Variants in CDC5L observed in about 807,000 individuals in gnomAD.
CDC5L encodes cell division cycle 5-like protein.
Under a neutral mutation model 104.1 loss-of-function variants are expected in CDC5L, and 18 were observed. The observed-to-expected ratio is 0.17, with a 90% CI of 0.12 to 0.26. The LOEUF is 0.26. Ranked by LOEUF, CDC5L falls within the 10% of genes least tolerant of loss-of-function variation. The pLI is 1.00. For synonymous variants in CDC5L, 331 were observed against 322.7 expected, an observed-to-expected ratio of 1.03 and a Z score of -0.28; for missense variants, 673 against 956.9, an observed-to-expected ratio of 0.70 and a Z score of 3.91.
chr6:44,436,272 C>G (rs1364823159), intron 14 of CDC5L, among the ~76,000 whole-genome samples: 1 of 152,160 alleles, frequency 6.6e-6, no homozygotes, highest in African/African-American at 2.4e-5. Flanking sequence ...AGGAACTAAC[C>G]TCACTTTAAA....
At chr6:44,404,552 G>A (rs1791275418) in intron 6 of CDC5L, among the ~76,000 whole-genome samples, 2 of 152,080 alleles carry the variant, frequency 1.3e-5, no homozygotes, top group African/African-American at 4.8e-5. Flanking sequence ...GCTGTTTATG[G>A]CTCTTGAGTT....
chr6:44,417,395 G>A (rs368537949), intron 8 of CDC5L, among the ~76,000 whole-genome samples: 1 of 152,064 alleles, frequency 6.6e-6, no homozygotes, highest in East Asian at 1.9e-4. Context: ...GTGGGAAGCT[G>A]CGTTATTTTT....
rs1184136297 is a variant in CDC5L at position 44,392,683 on chromosome 6, C to G, written c.166C>G (p.Pro56Ala). The stretch of plus-strand genomic sequence containing the variant: ...GTTTAATAGGTATGAATGGCTGGAT[C>G]CAAGCATTAAGAAGACAGAATGGTC... ...CKARWYEWLD[P>A]SIKKTEWSRE... Residue 56 changes from proline to alanine, a missense_variant, in exon 3 of 16, where the codon CCA (proline) becomes GCA (alanine). By Grantham distance (27) the Pro-to-Ala change is conservative (BLOSUM62 -1). Transcript: ENST00000371477. 1 of 1,613,834 alleles carries G rather than the reference C, an allele frequency of 6.2e-7. No individual in the cohort carries two copies. Among genetic ancestry groups the G allele is most frequent in the East Asian group, 2.2e-5 (1 of 44,864 alleles).
At chr6:44,406,258 A>G in intron 6 of CDC5L, 65 bp from the exon 7 acceptor site, 2 of 1,201,928 alleles carry the variant, frequency 1.7e-6, no homozygotes, top group Non-Finnish European at 1.2e-6. Context: ...GAGTATTTGT[A>G]TGGATTTTAA....
chr6:44,399,538 TTC>T (rs1168823596), intron 5 of CDC5L, among the ~76,000 whole-genome samples: 1 of 152,230 alleles, frequency 6.6e-6, no homozygotes, highest in Non-Finnish European at 1.5e-5. Flanking sequence ...TTCATTCTTT[TTC>T]TCTGTTTAGA....
intron 14 of CDC5L, among the ~76,000 whole-genome samples, chr6:44,437,352 T>C (rs1000295914): frequency 1.6e-4 from 25 of 152,244 alleles, no homozygotes; most frequent in African/African-American, 6.0e-4. Context: ...CTTTGTGTTT[T>C]AATAATCAAA....
At chr6:44,411,005 AT>A (rs951748321) in intron 8 of CDC5L, among the ~76,000 whole-genome samples, 1,595 of 139,468 alleles carry the variant, frequency 0.011, 14 homozygotes, top group African/African-American at 0.029. Flanking sequence ...TTTGTTCAGT[AT>A]TTTTTTTTTT....
chr6:44,427,493 T>C (rs549387306), intron 13 of CDC5L, among the ~76,000 whole-genome samples: 29 of 152,326 alleles, frequency 1.9e-4, no homozygotes, highest in African/African-American at 7.0e-4. Flanking sequence ...TCTTACAAAC[T>C]CTCCTGTCTT....
intron 8 of CDC5L, among the ~76,000 whole-genome samples, chr6:44,410,612 A>G (rs1333282114): frequency 6.6e-6 from 1 of 152,200 alleles, no homozygotes; most frequent in Non-Finnish European, 1.5e-5. Flanking sequence ...TAGCACTGCA[A>G]GGTCTTCTGG....
At chr6:44,406,663 T>G (rs1030435833) in intron 7 of CDC5L, among the ~76,000 whole-genome samples, 196 bp downstream of exon 7, 2 of 152,208 alleles carry the variant, frequency 1.3e-5, no homozygotes, top group Admixed American at 1.3e-4. Context: ...TTTCAGCACT[T>G]TGGGAGACCA....
intron 9 of CDC5L, among the ~76,000 whole-genome samples, chr6:44,422,402 T>G (rs1792227864): frequency 6.6e-6 from 1 of 152,204 alleles, no homozygotes; most frequent in South Asian, 2.1e-4. Context: ...GGACGTAGTT[T>G]AGGAAGGCAA....
rs144670030 is a variant in CDC5L at position 44,403,946 on chromosome 6, A to C, written c.677A>C (p.Asp226Ala). The change falls in exon 6 of 16, where the codon GAT becomes GCT. Residue 226 changes from aspartate to alanine, a missense_variant. By Grantham distance (126) the Asp-to-Ala change is moderately radical. Transcript: ENST00000371477. ...FEKKPALGFY[D>A]TSEENYQALD... ...AAAAAGCCTGCCCTTGGTTTTTATG[A>C]TACTTCTGAGGAAAACTACCAAGCT... is the stretch of plus-strand genomic sequence containing the variant. 1.2e-4 allele frequency: 198 copies of C among 1,613,908 alleles called. No homozygotes were observed. Among genetic ancestry groups the C allele is most frequent in the Admixed American group, 5.0e-4 (30 of 60,002 alleles).
intron 2 of CDC5L, among the ~76,000 whole-genome samples, chr6:44,391,227 C>G (rs937026556): frequency 1.3e-5 from 2 of 150,206 alleles, no homozygotes; most frequent in Admixed American, 6.7e-5. Context: ...TAAGCCAACT[C>G]TGAACCTGTG....
chr6:44,424,380 A>G, intron 10 of CDC5L, 39 bp from the exon 11 acceptor site: 7 of 1,576,506 alleles, frequency 4.4e-6, no homozygotes, highest in Non-Finnish European at 6.1e-6. Context: ...TGGAATGTTT[A>G]ATATGCATGA....
intron 5 of CDC5L, among the ~76,000 whole-genome samples, chr6:44,401,811 C>T (rs569203405): frequency 6.6e-6 from 1 of 150,960 alleles, no homozygotes; most frequent in Non-Finnish European, 1.5e-5. Context: ...CCTCTCCCCC[C>T]ACCCCACAAC....
rs1171586367 is a variant in CDC5L, at chr6:44,445,877, TA to T, written c.2304+11del. The T allele has an allele frequency of 6.3e-7, 1 of 1,589,152 alleles. No homozygotes were observed. The highest frequency in any genetic ancestry group is 8.6e-7 in the Non-Finnish European group (1 of 1,157,948). ...TCCCCGGAGGCTAGAGGTAACGTTA[TA>T]TATTGAACTGTTGTTTAAAAAGAGT... On this transcript the variant is annotated intron_variant, in intron 15 of 15. Coordinates refer to ENST00000371477, the MANE Select transcript of CDC5L (RefSeq NM_001253.4).
intron 8 of CDC5L, among the ~76,000 whole-genome samples, chr6:44,412,329 G>C (rs999940721): frequency 1.3e-5 from 2 of 151,184 alleles, no homozygotes; most frequent in African/African-American, 4.9e-5. Context: ...TTTCAGACAG[G>C]GTCTCACTCC....
At chr6:44,396,521 G>T in intron 5 of CDC5L, 81 bp downstream of exon 5, 1 of 827,876 alleles carries the variant, frequency 1.2e-6, no homozygotes, top group Non-Finnish European at 1.9e-6. Context: ...GACCAGATAT[G>T]TGGTTTTTTT....
chr6:44,411,637 A>AGAGAGTGTGTGTGTGTGTGTGTGTGT, intron 8 of CDC5L, among the ~76,000 whole-genome samples: 3 of 123,644 alleles, frequency 2.4e-5, no homozygotes, highest in Admixed American at 8.2e-5. Context: ...AGAGAGAGAG[A>AGAGAGTGTGTGTGTGTGTGTGTGTGT]GTGTGTGTGT....
Sources: allele counts gnomAD v4.1 joint callset (sites outside exome capture counted in the v4.1 genomes callset), GRCh38; gene constraint gnomAD v4.1.1; transcripts MANE v1.5; gene names NCBI Gene and HGNC (gene_info 2026-07-23, HGNC 2026-07-21).